Variants in POU3F3 observed in about 807,000 individuals in gnomAD.
POU3F3 encodes the protein POU domain, class 3, transcription factor 3.
A neutral mutation model predicts 8.6 loss-of-function variants in POU3F3; 1 was observed. The observed-to-expected ratio is 0.12, with a 90% CI of 0.04 to 0.55. The LOEUF is 0.55. Among genes scored for constraint, POU3F3 ranks in the 20% least tolerant of loss-of-function variants. The probability of loss-of-function intolerance (pLI) is 0.91; values close to 1 mark genes in which losing one functional copy is unlikely to be tolerated. For synonymous variants in POU3F3, 418 were observed against 327.4 expected (o/e 1.28, Z -2.99); for missense variants, 577 against 690.7 (o/e 0.84, Z 1.84).
chr2:104,913,257 G>A, the POU3F3 span, among the ~76,000 whole-genome samples: 1 of 151,814 alleles, frequency 6.6e-6, no homozygotes, highest in Non-Finnish European at 1.5e-5. Flanking sequence ...TTCCTTGGCT[G>A]GCATTAAAGG....
At chr2:104,921,085 C>T in the POU3F3 span, among the ~76,000 whole-genome samples, 1 of 152,164 alleles carries the variant, frequency 6.6e-6, no homozygotes, top group African/African-American at 2.4e-5. Flanking sequence ...AATATCTTTA[C>T]TCTATGAGAT....
chr2:104,870,496 G>A, the POU3F3 span, among the ~76,000 whole-genome samples: 3 of 152,208 alleles, frequency 2.0e-5, no homozygotes, highest in Admixed American at 2.0e-4. Context: ...GCTGCTGTAG[G>A]CTTCTACCTA....
At position 104,856,199 on chromosome 2, in the gene POU3F3, T is replaced by C; in HGVS notation, c.689T>C (p.Val230Ala). Residue 230 changes from valine to alanine, a missense_variant, in exon 1 of 1, where the codon GTG becomes GCG. Physicochemically the swap from Val to Ala is moderately conservative, Grantham distance 64 (BLOSUM62 0). Around this residue, in one of 7 missense-constraint regions of POU3F3, gnomAD observed 484 missense variants for 422.6 expected, o/e 1.15. Transcript: ENST00000361360. The part of the protein sequence containing the change: ...LLYSQPGGFT[V>A]NGMLSAPPGP... ...TACTCGCAGCCCGGAGGCTTCACGGTGAACGGCATGCTGAGCGCGCCACCG... is the reference window on the plus strand; with the variant it reads ...TACTCGCAGCCCGGAGGCTTCACGGCGAACGGCATGCTGAGCGCGCCACCG... The C allele has an allele frequency of 7.9e-7, 1 of 1,263,650 alleles. No individual in the cohort carries two copies. The highest frequency in any genetic ancestry group is 9.9e-7 in the Non-Finnish European group (1 of 1,012,248). 78.3% of individuals were successfully genotyped at this position (1,263,650 alleles called of 1,614,324 possible).
the POU3F3 span, among the ~76,000 whole-genome samples, chr2:104,924,186 T>C: frequency 8.2e-4 from 125 of 152,340 alleles, no homozygotes; most frequent in African/African-American, 2.8e-3. Context: ...AAGCATGTTA[T>C]TTAAAAAATC....
At chr2:104,870,898 C>T in the POU3F3 span, among the ~76,000 whole-genome samples, 18 of 152,184 alleles carry the variant, frequency 1.2e-4, no homozygotes, top group Non-Finnish European at 2.4e-4. Context: ...ACCAATATAC[C>T]GTTCTCAGTA....
At chr2:104,853,754 C>G (rs896760948), upstream of POU3F3, 2 of 152,242 alleles carry the variant, frequency 1.3e-5, no homozygotes, top group African/African-American at 2.4e-5. Flanking sequence ...TTTATCTCCC[C>G]TTTCTTCCCC....
rs1419590528 is a variant in POU3F3, at chr2:104,854,205, A to G, written c.-1306A>G. Among the ~76,000 whole-genome samples, 1 of 151,788 alleles carries G rather than the reference A, an allele frequency of 6.6e-6. No homozygotes were observed. Among genetic ancestry groups the G allele is most frequent in the Non-Finnish European group, 1.5e-5 (1 of 67,962 alleles). ...GCGCCCGAGAGAGGGAGAGAGAGAGAGGGAGGGAGAGGAAAAGTGAGAGAG... is the reference window on the plus strand; with the variant it reads ...GCGCCCGAGAGAGGGAGAGAGAGAGGGGGAGGGAGAGGAAAAGTGAGAGAG... On this transcript the variant is annotated 5_prime_UTR_variant, in exon 1 of 1. Coordinates refer to ENST00000361360, the MANE Select transcript of POU3F3 (RefSeq NM_006236.3). The surrounding 1 kb of genome is among the most constrained non-coding windows in gnomAD (Gnocchi z 4.5).
In POU3F3 at chr2:104,856,086, T is replaced by TGCCGCA. The variant is rs745723608; in HGVS notation, c.588_593dup (p.Ala203_Ala204dup). 10 of 1,015,866 alleles carry TGCCGCA rather than the reference T, an allele frequency of 9.8e-6. No individual in the cohort carries two copies. Among genetic ancestry groups the TGCCGCA allele is most frequent in the African/African-American group, 3.9e-5 (2 of 51,560 alleles). 62.9% of individuals were successfully genotyped at this position (1,015,866 alleles called of 1,614,324 possible). On this transcript the variant is annotated inframe_insertion, in exon 1 of 1. Coordinates refer to ENST00000361360, the MANE Select transcript of POU3F3 (RefSeq NM_006236.3). ...CTGGGGGCTGGGGGGCGGCCGCCGC[T>TGCCGCA]GCCGCAGCCGCAGCCGCCGCCGCCG...
At chr2:104,903,679 T>G in the POU3F3 span, among the ~76,000 whole-genome samples, 2 of 152,192 alleles carry the variant, frequency 1.3e-5, no homozygotes, top group East Asian at 3.9e-4. Context: ...CTAAACGTTG[T>G]CTGGTGAGCC....
chr2:104,868,962 C>T, the POU3F3 span, among the ~76,000 whole-genome samples: 190 of 152,224 alleles, frequency 1.2e-3, no homozygotes, highest in Non-Finnish European at 2.3e-3. Context: ...GACTTGCTGA[C>T]GTGAACAACA....
Position 104,855,840 on chromosome 2 carries a change from TGCCGCCGCC to T in POU3F3, c.338_346del (p.Ala113_Ala115del), listed in dbSNP as rs781161822. On this transcript the variant is annotated inframe_deletion, in exon 1 of 1. Coordinates refer to ENST00000361360, the MANE Select transcript of POU3F3 (RefSeq NM_006236.3). ...CCCACGCCGCCGCCGCCGCCGCCGC[TGCCGCCGCC>T]GCCGCCGTGGAGGCGAGCTCGCCGT... 1.9e-6 allele frequency: 2 copies of T among 1,075,024 alleles called. No individual in the cohort carries two copies. The highest frequency in any genetic ancestry group is 1.1e-6 in the Non-Finnish European group (1 of 895,250). The allele number at this position is 1,075,024 out of a possible 1,614,324, so 66.6% of individuals were successfully genotyped here.
At chr2:104,903,727 T>C in the POU3F3 span, among the ~76,000 whole-genome samples, 1 of 152,218 alleles carries the variant, frequency 6.6e-6, no homozygotes, top group South Asian at 2.1e-4. Context: ...AGGAGACGGT[T>C]AATAAATTCA....
At chr2:104,899,073 G>A in the POU3F3 span, among the ~76,000 whole-genome samples, 1 of 152,206 alleles carries the variant, frequency 6.6e-6, no homozygotes, top group Non-Finnish European at 1.5e-5. Flanking sequence ...AATAAACTTT[G>A]ACCAAAGGAA....
chr2:104,926,072 A>G, the POU3F3 span: 4 of 152,254 alleles, frequency 2.6e-5, no homozygotes, highest in African/African-American at 9.6e-5. Context: ...AAACACAAAA[A>G]GCAATTGCAA....
chr2:104,879,787 G>A, the POU3F3 span, among the ~76,000 whole-genome samples: 1 of 152,166 alleles, frequency 6.6e-6, no homozygotes, highest in Non-Finnish European at 1.5e-5. Flanking sequence ...GGTGCAGGGG[G>A]TGTATCCAGG....
chr2:104,907,027 T>C, the POU3F3 span, among the ~76,000 whole-genome samples: 6 of 152,254 alleles, frequency 3.9e-5, no homozygotes, highest in African/African-American at 1.4e-4. Context: ...CCTACCTTCC[T>C]GCCTTTCAGT....
At chr2:104,885,882 C>G in the POU3F3 span, among the ~76,000 whole-genome samples, 1 of 152,152 alleles carries the variant, frequency 6.6e-6, no homozygotes, top group Non-Finnish European at 1.5e-5. Flanking sequence ...ACTGAAACCT[C>G]TGCCTCCCAG....
chr2:104,878,314 A>G, the POU3F3 span, among the ~76,000 whole-genome samples: 1 of 152,278 alleles, frequency 6.6e-6, no homozygotes, highest in South Asian at 2.1e-4. Context: ...AGAATGAATT[A>G]TTTTCAATGG....
chr2:104,863,983 TGGA>T, the POU3F3 span, among the ~76,000 whole-genome samples: 1 of 152,130 alleles, frequency 6.6e-6, no homozygotes, highest in Non-Finnish European at 1.5e-5. Context: ...CACGGGGCGG[TGGA>T]GTTCTTGGGC....
Sources: allele counts gnomAD v4.1 joint callset (sites outside exome capture counted in the v4.1 genomes callset), GRCh38; gene constraint gnomAD v4.1.1; regional missense constraint gnomAD v4.1.1; non-coding constraint Gnocchi (gnomAD v3.1); transcripts MANE v1.5; gene names NCBI Gene and HGNC (gene_info 2026-07-23, HGNC 2026-07-21).